Variants in RNF223 observed in about 807,000 individuals in gnomAD.
The protein encoded by RNF223 is ring finger protein 223.
RNF223 carries 10 observed loss-of-function variants against 13.9 expected under a neutral mutation model. That is an observed-to-expected ratio of 0.72 (90% confidence interval 0.44 to 1.22). The LOEUF is 1.22. Ranked by LOEUF, RNF223 falls within the 50% of genes most tolerant of loss-of-function variation. The probability of loss-of-function intolerance (pLI) is 0.00; values close to 1 mark genes in which losing one functional copy is unlikely to be tolerated. For missense variants in RNF223, 379 were observed against 380.0 expected (o/e 1.00, Z 0.02); for synonymous variants, 168 against 173.3 (o/e 0.97, Z 0.24).
At chr1:1,073,654 G>T (rs1645659872) in intron 1 of RNF223, among the ~76,000 whole-genome samples, 1 of 152,166 alleles carries the variant, frequency 6.6e-6, no homozygotes, top group Non-Finnish European at 1.5e-5. Flanking sequence ...GGAGCCACAG[G>T]GGTCCCACCT....
Position 1,071,645 on chromosome 1 carries a change from G to A in RNF223, c.*172C>T. 1 of 549,916 alleles carries A rather than the reference G, an allele frequency of 1.8e-6. No individual in the cohort carries two copies. The highest frequency in any genetic ancestry group is 3.2e-5 in the East Asian group (1 of 31,074). 34.1% of individuals were successfully genotyped at this position (549,916 alleles called of 1,614,324 possible). A position where few individuals can be genotyped will look rare whatever the true frequency, so the allele number is the denominator to read the frequency against. On this transcript the variant is annotated 3_prime_UTR_variant, in exon 2 of 2. Transcript: ENST00000453464. ...AGCCTGGAGAATGAGGGGTGGACAA[G>A]CTAAATGGAGCCTGGTCTTGGTGGG...
chr1:1,071,991 C>A lies in RNF223; in HGVS notation c.576G>T (p.Arg192Ser). The change falls in exon 2 of 2, where the codon AGG becomes AGT. Residue 192 changes from arginine (R) to serine (S), a missense_variant. Arg to Ser is a moderately radical substitution (Grantham distance 110). Coordinates refer to ENST00000453464, the MANE Select transcript of RNF223 (RefSeq NM_001205252.2). ...AGACCAGTGCCATGCGCCTCCAGTC[C>A]CTGCAGCGCGCCCAGCAGCGGGCCA... is the stretch of plus-strand genomic sequence containing the variant. ...GRLARCWARC[R>S]DWRRMALVSA... is the part of the protein sequence containing the mutation. The A allele has an allele frequency of 1.3e-6, 2 of 1,514,884 alleles. No individual in the cohort carries two copies. Among genetic ancestry groups the A allele is most frequent in the South Asian group, 1.2e-5 (1 of 81,096 alleles). 93.8% of individuals were successfully genotyped at this position (1,514,884 alleles called of 1,614,324 possible). A position where few individuals can be genotyped will look rare whatever the true frequency, so the allele number is the denominator to read the frequency against.
Position 1,071,924 on chromosome 1 carries a change from C to G in RNF223, c.643G>C (p.Val215Leu), listed in dbSNP as rs1645642408. 1.0e-5 allele frequency: 16 copies of G among 1,534,480 alleles called. No individual in the cohort carries two copies. The highest frequency in any genetic ancestry group is 1.2e-5 in the Non-Finnish European group (14 of 1,146,194). Reference sequence around the variant, plus strand: ...TTCCCGGTCTTGAGCGCGCACTGCACCGGCCAGAGTGCCACACAGAAGAGC... The same window carrying G: ...TTCCCGGTCTTGAGCGCGCACTGCAGCGGCCAGAGTGCCACACAGAAGAGC... ...LMLFCVALWP[V>L]QCALKTGNLR... The change falls in exon 2 of 2, where the codon GTG becomes CTG. Residue 215 changes from valine (V) to leucine (L), a missense_variant. Physicochemically the swap from Val to Leu is conservative, Grantham distance 32. Coordinates refer to ENST00000453464, the MANE Select transcript of RNF223 (RefSeq NM_001205252.2).
Position 1,071,910 on chromosome 1 carries a change from G to T in RNF223, c.657C>A (p.Leu219=), listed in dbSNP as rs1192998922. The T allele has an allele frequency of 6.5e-7, 1 of 1,534,302 alleles. No homozygotes were observed. Among genetic ancestry groups the T allele is most frequent in the Middle Eastern group, 1.7e-4 (1 of 5,932 alleles). ...GCAGGCAGCGCAGGTTCCCGGTCTT[G>T]AGCGCGCACTGCACCGGCCAGAGTG... The part of the protein sequence containing the change: ...CVALWPVQCA[L]KTGNLRCLPL... Residue 219 remains leucine, a synonymous_variant, in exon 2 of 2, where the codon CTC becomes CTA. Coordinates refer to ENST00000453464, the MANE Select transcript of RNF223 (RefSeq NM_001205252.2).
rs746686305 is a variant in RNF223 at position 1,071,883 on chromosome 1, G to A, written c.684C>T (p.Pro228=). 26 of 1,531,986 alleles carry A rather than the reference G, an allele frequency of 1.7e-5. 1 individual carries two copies. The South Asian group carries it at 3.1e-4, about 18-fold the overall frequency. The allele number at this position is 1,531,986 out of a possible 1,614,324, so 94.9% of individuals were successfully genotyped here. ...TGGTGGCCGGGGGCCGGGGGGGCAGGGGCAGGCAGCGCAGGTTCCCGGTCT... is the reference window on the plus strand; with the variant it reads ...TGGTGGCCGGGGGCCGGGGGGGCAGAGGCAGGCAGCGCAGGTTCCCGGTCT... ...ALKTGNLRCL[P]LPPRPPATST... The change falls in exon 2 of 2, where the codon CCC becomes CCT. Residue 228 remains proline, a synonymous_variant. Transcript: ENST00000453464.
In RNF223 at chr1:1,072,095, C is replaced by T. The variant is rs1266600707; in HGVS notation, c.472G>A (p.Val158Ile). Reference sequence around the variant, plus strand: ...TTGCTCAAACCCACGTCCACGCATACGAAACCGGGCTCGCGGCCAGGTGTG... The same window carrying T: ...TTGCTCAAACCCACGTCCACGCATATGAAACCGGGCTCGCGGCCAGGTGTG... ...PTTPGREPGF[V>I]CVDVGLSKPA... is the part of the protein sequence containing the mutation. The change falls in exon 2 of 2, where the codon GTA (valine) becomes ATA (isoleucine). Residue 158 changes from valine to isoleucine, a missense_variant. Physicochemically the swap from Val to Ile is conservative, Grantham distance 29. Transcript: ENST00000453464. 49 of 1,514,050 alleles carry T rather than the reference C, an allele frequency of 3.2e-5. No individual in the cohort carries two copies. Among genetic ancestry groups the T allele is most frequent in the East Asian group, 1.0e-4 (4 of 38,718 alleles). 93.8% of individuals were successfully genotyped at this position (1,514,050 alleles called of 1,614,324 possible).
At position 1,072,466 on chromosome 1, in the gene RNF223, G is replaced by T; in HGVS notation, c.101C>A (p.Pro34His). ...CGAGCCAGGGGTGCCAGGGGACCTG[G>T]GGCTGCCGGCCGAGCTGGGGGACCT... ...MPRSPSSAGS[P>H]RSPGTPGSER... The change falls in exon 2 of 2, where the codon CCC (proline) becomes CAC (histidine). Residue 34 changes from proline (P) to histidine (H), a missense_variant. Physicochemically the swap from Pro to His is moderately conservative, Grantham distance 77. Transcript: ENST00000453464. 6.5e-7 allele frequency: 1 copy of T among 1,527,372 alleles called. No homozygotes were observed. The highest frequency in any genetic ancestry group is 8.7e-7 in the Non-Finnish European group (1 of 1,143,272). The allele number at this position is 1,527,372 out of a possible 1,614,324, so 94.6% of individuals were successfully genotyped here. A position where few individuals can be genotyped will look rare whatever the true frequency, so the allele number is the denominator to read the frequency against.
At chr1:1,073,674 T>A (rs980196306) in intron 1 of RNF223, among the ~76,000 whole-genome samples, 1 of 152,032 alleles carries the variant, frequency 6.6e-6, no homozygotes, top group Non-Finnish European at 1.5e-5. Context: ...TGGAGGGAAG[T>A]GGGCAAGGGT....
chr1:1,073,902 G>A (rs918810940), intron 1 of RNF223, 114 bp downstream of exon 1: 7 of 152,270 alleles, frequency 4.6e-5, no homozygotes, highest in Admixed American at 1.3e-4. Context: ...TGTGCTCTGC[G>A]GCCTGTGTAC....
In RNF223 at chr1:1,071,751, C is replaced by T. The variant is rs115908330; in HGVS notation, c.*66G>A. 16 of 1,313,482 alleles carry T rather than the reference C, an allele frequency of 1.2e-5. No homozygotes were observed. The highest frequency in any genetic ancestry group is 2.8e-5 in the East Asian group (1 of 35,144). The allele number at this position is 1,313,482 out of a possible 1,614,324, so 81.4% of individuals were successfully genotyped here. A position where few individuals can be genotyped will look rare whatever the true frequency, so the allele number is the denominator to read the frequency against. ...TTCCAGTGGCTGCTGTGCCCTTGGG[C>T]CCCCCAGTGGGGGACGCCCCATGGA... On this transcript the variant is annotated 3_prime_UTR_variant, in exon 2 of 2. Transcript: ENST00000453464.
Position 1,071,723 on chromosome 1 carries a change from G to T in RNF223, c.*94C>A. ...GGCTCCTTTCGCGTCCTCGGGGACC[G>T]ACTTCCAGTGGCTGCTGTGCCCTTG... is the stretch of plus-strand genomic sequence containing the variant. On this transcript the variant is annotated 3_prime_UTR_variant, in exon 2 of 2. Coordinates refer to ENST00000453464, the MANE Select transcript of RNF223 (RefSeq NM_001205252.2). 4 of 1,151,002 alleles carry T rather than the reference G, an allele frequency of 3.5e-6. No homozygotes were observed. Among genetic ancestry groups the T allele is most frequent in the South Asian group, 1.8e-5 (1 of 56,124 alleles). The allele number at this position is 1,151,002 out of a possible 1,614,324, so 71.3% of individuals were successfully genotyped here. A position where few individuals can be genotyped will look rare whatever the true frequency, so the allele number is the denominator to read the frequency against.
intron 1 of RNF223, among the ~76,000 whole-genome samples, chr1:1,073,707 G>A (rs1248494348): frequency 6.6e-6 from 1 of 152,168 alleles, no homozygotes; most frequent in Non-Finnish European, 1.5e-5. Flanking sequence ...CAAGGGCCTG[G>A]CCGTGCGTCC....
rs927683248 is a variant in RNF223, at chr1:1,071,783, C to T, written c.*34G>A. The T allele has an allele frequency of 2.1e-5, 30 of 1,432,328 alleles. No homozygotes were observed. The highest frequency in any genetic ancestry group is 8.3e-5 in the East Asian group (3 of 36,074). 88.7% of individuals were successfully genotyped at this position (1,432,328 alleles called of 1,614,324 possible). On this transcript the variant is annotated 3_prime_UTR_variant, in exon 2 of 2. Coordinates refer to ENST00000453464, the MANE Select transcript of RNF223 (RefSeq NM_001205252.2). ...GTGGGGGACGCCCCATGGAGCTGGG[C>T]GAGGGCGGCTGACCTGGGCAGAGGC...
chr1:1,072,068 G>A lies in RNF223; in HGVS notation c.499C>T (p.Pro167Ser). Residue 167 changes from proline (P) to serine (S), a missense_variant, in exon 2 of 2, where the codon CCT becomes TCT. Transcript: ENST00000453464. ...FVCVDVGLSK[P>S]AEPPAPARDP... ...CGGGCGGGCGCGGGCGGCTCGGCAG[G>A]CTTGCTCAAACCCACGTCCACGCAT... 1.3e-6 allele frequency: 2 copies of A among 1,499,668 alleles called. No homozygotes were observed. The highest frequency in any genetic ancestry group is 1.5e-5 in the African/African-American group (1 of 68,636). The allele number at this position is 1,499,668 out of a possible 1,614,324, so 92.9% of individuals were successfully genotyped here.
chr1:1,072,827 C>T (rs762711373), intron 1 of RNF223, among the ~76,000 whole-genome samples: 12 of 152,320 alleles, frequency 7.9e-5, no homozygotes, highest in African/African-American at 2.9e-4. Flanking sequence ...GAATGCAGGC[C>T]GTGTGTAGGG....
At chr1:1,073,417 G>A (rs1645658184) in intron 1 of RNF223, among the ~76,000 whole-genome samples, 1 of 152,206 alleles carries the variant, frequency 6.6e-6, no homozygotes, top group Non-Finnish European at 1.5e-5. Context: ...CATTCCCTCT[G>A]GGCCAGCCCA....
Position 1,071,787 on chromosome 1 carries a change from G to A in RNF223, c.*30C>T, listed in dbSNP as rs1645640563. Reference sequence around the variant, plus strand: ...GGGACGCCCCATGGAGCTGGGCGAGGGCGGCTGACCTGGGCAGAGGCTGCT... The same window carrying A: ...GGGACGCCCCATGGAGCTGGGCGAGAGCGGCTGACCTGGGCAGAGGCTGCT... On this transcript the variant is annotated 3_prime_UTR_variant, in exon 2 of 2. Transcript: ENST00000453464. 3 of 1,445,104 alleles carry A rather than the reference G, an allele frequency of 2.1e-6. No individual in the cohort carries two copies. The highest frequency in any genetic ancestry group is 2.7e-6 in the Non-Finnish European group (3 of 1,102,836). The allele number at this position is 1,445,104 out of a possible 1,614,324, so 89.5% of individuals were successfully genotyped here.
rs932183421 is a variant in RNF223 at position 1,072,102 on chromosome 1, G to A, written c.465C>T (p.Pro155=). The A allele has an allele frequency of 3.6e-5, 54 of 1,515,094 alleles. No homozygotes were observed. The African/African-American group carries it at 5.6e-4, about 16-fold the overall frequency. The allele number at this position is 1,515,094 out of a possible 1,614,324, so 93.9% of individuals were successfully genotyped here. A position where few individuals can be genotyped will look rare whatever the true frequency, so the allele number is the denominator to read the frequency against. ...QPLPTTPGRE[P]GFVCVDVGLS... is the part of the protein sequence containing the mutation. Reference sequence around the variant, plus strand: ...AACCCACGTCCACGCATACGAAACCGGGCTCGCGGCCAGGTGTGGTGGGCA... The same window carrying A: ...AACCCACGTCCACGCATACGAAACCAGGCTCGCGGCCAGGTGTGGTGGGCA... Residue 155 remains proline, a synonymous_variant, in exon 2 of 2, where the codon CCC becomes CCT. Coordinates refer to ENST00000453464, the MANE Select transcript of RNF223 (RefSeq NM_001205252.2).
chr1:1,072,109 C>A lies in RNF223; in HGVS notation c.458G>T (p.Arg153Leu). ...CCQPLPTTPGREPGFVCVDVG... is the reference protein window; with the variant it reads ...CCQPLPTTPGLEPGFVCVDVG... ...GTCCACGCATACGAAACCGGGCTCG[C>A]GGCCAGGTGTGGTGGGCAGTGGCTG... The change falls in exon 2 of 2, where the codon CGC becomes CTC. Residue 153 changes from arginine (R) to leucine (L), a missense_variant. Arg to Leu is a moderately radical substitution (Grantham distance 102). Coordinates refer to ENST00000453464, the MANE Select transcript of RNF223 (RefSeq NM_001205252.2). 2 of 1,515,752 alleles carry A rather than the reference C, an allele frequency of 1.3e-6. No individual in the cohort carries two copies. Among genetic ancestry groups the A allele is most frequent in the South Asian group, 2.5e-5 (2 of 81,484 alleles). The allele number at this position is 1,515,752 out of a possible 1,614,324, so 93.9% of individuals were successfully genotyped here. A position where few individuals can be genotyped will look rare whatever the true frequency, so the allele number is the denominator to read the frequency against.
Sources: allele counts gnomAD v4.1 joint callset (sites outside exome capture counted in the v4.1 genomes callset), GRCh38; gene constraint gnomAD v4.1.1; transcripts MANE v1.5; gene names NCBI Gene and HGNC (gene_info 2026-07-23, HGNC 2026-07-21).